TJP1: variants seen among roughly 807,000 people sequenced by gnomAD.
TJP1 encodes the protein tight junction protein ZO-1.
A neutral mutation model predicts 194.2 loss-of-function variants in TJP1; 43 were observed. The observed-to-expected ratio is 0.22, with a 90% CI of 0.17 to 0.29. The LOEUF (loss-of-function observed/expected upper bound fraction) is 0.29, where lower values mean the gene tolerates loss of function less well. Among genes scored for constraint, TJP1 ranks in the 10% least tolerant of loss-of-function variants. The pLI is 1.00. For synonymous variants in TJP1, 801 were observed against 779.0 expected (o/e 1.03, Z -0.47); for missense variants, 1,971 against 2,185.7 (o/e 0.90, Z 1.96).
At chr15:29,830,006 T>TA (rs993049274) in intron 2 of TJP1, among the ~76,000 whole-genome samples, 70 of 143,854 alleles carry the variant, frequency 4.9e-4, no homozygotes, top group East Asian at 3.4e-3. Context: ...ATTCTTACAT[T>TA]AAAAAAAAAA....
chr15:29,908,141 T>C (rs932638034), intron 2 of TJP1, among the ~76,000 whole-genome samples: 2 of 118,674 alleles, frequency 1.7e-5, no homozygotes, highest in Admixed American at 9.9e-5. Flanking sequence ...AGGTCCAACA[T>C]GAGAAGAAGA....
chr15:29,959,047 C>T (rs1241455378), intron 1 of TJP1, among the ~76,000 whole-genome samples: 5 of 150,838 alleles, frequency 3.3e-5, no homozygotes, highest in South Asian at 4.2e-4. Flanking sequence ...TGGAGTGCAG[C>T]GGCGCGATCT....
chr15:29,742,905 C>A, intron 8 of TJP1, 124 bp from the exon 9 acceptor site: 2 of 769,776 alleles, frequency 2.6e-6, no homozygotes, highest in Non-Finnish European at 1.8e-6. Flanking sequence ...TAACAGATAC[C>A]AAAATATTGT....
chr15:29,791,830 T>C (rs2048115025), intron 2 of TJP1, among the ~76,000 whole-genome samples: 1 of 152,164 alleles, frequency 6.6e-6, no homozygotes, highest in Non-Finnish European at 1.5e-5. Flanking sequence ...TGGGATGAAA[T>C]ATTTCATTAT....
intron 1 of TJP1, among the ~76,000 whole-genome samples, chr15:29,803,191 A>G (rs1447170249): frequency 2.0e-5 from 3 of 152,170 alleles, no homozygotes; most frequent in Admixed American, 1.3e-4. Context: ...TCCATTCCCC[A>G]TCAGAACAAA....
intron 2 of TJP1, among the ~76,000 whole-genome samples, chr15:29,877,660 C>G (rs2052758007): frequency 6.7e-6 from 1 of 148,654 alleles, no homozygotes; most frequent in African/African-American, 2.5e-5. Context: ...CTTTGTCTCT[C>G]TCTCTTTCTT....
intron 22 of TJP1, 83 bp from the exon 23 acceptor site, chr15:29,716,921 A>G (rs1310774890): frequency 8.3e-7 from 1 of 1,204,084 alleles, no homozygotes; most frequent in Non-Finnish European, 1.2e-6. Flanking sequence ...TCTTATCTTG[A>G]CTAAAAGGTC....
At chr15:29,818,208 T>A (rs1341739129) in intron 1 of TJP1, among the ~76,000 whole-genome samples, 1 of 152,188 alleles carries the variant, frequency 6.6e-6, no homozygotes, top group East Asian at 1.9e-4. Context: ...CTAATAAGCA[T>A]ATACAATAGC....
chr15:29,951,076 T>C (rs557237134), intron 2 of TJP1, among the ~76,000 whole-genome samples: 1 of 152,294 alleles, frequency 6.6e-6, no homozygotes, highest in East Asian at 1.9e-4. Flanking sequence ...ATCAATTACA[T>C]GAGGGGTTGA....
intron 2 of TJP1, among the ~76,000 whole-genome samples, chr15:29,779,474 A>T (rs45463393): frequency 6.6e-6 from 1 of 152,232 alleles, no homozygotes; most frequent in East Asian, 1.9e-4. Flanking sequence ...CCATCTCCTC[A>T]TTTGGCAGTC....
intron 25 of TJP1, among the ~76,000 whole-genome samples, chr15:29,706,667 CTGT>C (rs1211578597): frequency 6.6e-6 from 1 of 152,074 alleles, no homozygotes; most frequent in Non-Finnish European, 1.5e-5. Context: ...TCTTCCCTTC[CTGT>C]TGTTTTTTGA....
chr15:29,949,312 C>T (rs2055439553), intron 2 of TJP1, among the ~76,000 whole-genome samples: 2 of 129,704 alleles, frequency 1.5e-5, no homozygotes, highest in Admixed American at 1.5e-4. Flanking sequence ...CCACCACCTC[C>T]ACTTTCACCA....
intron 8 of TJP1, among the ~76,000 whole-genome samples, chr15:29,758,491 A>G (rs1048114326): frequency 4.0e-4 from 61 of 152,338 alleles, no homozygotes; most frequent in African/African-American, 1.5e-3. Flanking sequence ...GAGGAACTCT[A>G]AATGAAGAAA....
At chr15:29,730,928 T>C in intron 15 of TJP1, 2 of 1,215,470 alleles carry the variant, frequency 1.6e-6, no homozygotes, top group Middle Eastern at 2.3e-4. Context: ...CTGCAGAAAA[T>C]GGAGATGCCA....
intron 2 of TJP1, among the ~76,000 whole-genome samples, chr15:29,955,520 T>C (rs1296563104): frequency 6.6e-6 from 1 of 151,398 alleles, no homozygotes; most frequent in Admixed American, 6.6e-5. Context: ...ATGTAATCAC[T>C]TAGAATAAAA....
chr15:29,795,042 A>G (rs1048104630), intron 2 of TJP1, among the ~76,000 whole-genome samples: 1 of 152,216 alleles, frequency 6.6e-6, no homozygotes, highest in African/African-American at 2.4e-5. Flanking sequence ...TTATAGAACC[A>G]TCCAAAATTA....
intron 25 of TJP1, among the ~76,000 whole-genome samples, chr15:29,706,114 T>G (rs1039237105): frequency 3.9e-5 from 6 of 152,058 alleles, no homozygotes; most frequent in African/African-American, 1.4e-4. Flanking sequence ...GTATTTTTAG[T>G]AGAGATGGGG....
chr15:29,870,119 C>T (rs1017838106), intron 2 of TJP1, among the ~76,000 whole-genome samples: 9 of 150,518 alleles, frequency 6.0e-5, no homozygotes, highest in East Asian at 5.9e-4. Flanking sequence ...GGATTACAGG[C>T]GTGAGCCACT....
chr15:29,894,391 G>A (rs915647839), intron 2 of TJP1, among the ~76,000 whole-genome samples: 1 of 152,152 alleles, frequency 6.6e-6, no homozygotes. Flanking sequence ...TCCTAGAGGC[G>A]GAAGTTGCAG....
Sources: allele counts gnomAD v4.1 joint callset (sites outside exome capture counted in the v4.1 genomes callset), GRCh38; gene constraint gnomAD v4.1.1; transcripts MANE v1.5; gene names NCBI Gene and HGNC (gene_info 2026-07-23, HGNC 2026-07-21).